The following SGK1 variants were observed in gnomAD, a reference collection of about 807,000 sequenced individuals.
The protein encoded by SGK1 is serum/glucocorticoid regulated kinase 1.
In SGK1, 26 loss-of-function variants were observed where a neutral mutation model predicts 64.2. The observed-to-expected ratio is 0.40, with a 90% CI of 0.30 to 0.56. The LOEUF is 0.56. Ranked by LOEUF, SGK1 falls within the 20% of genes least tolerant of loss-of-function variation. The pLI is 0.38. For missense variants in SGK1, 519 were observed against 645.6 expected (o/e 0.80, Z 2.12); for synonymous variants, 265 against 239.7 (o/e 1.11, Z -0.98).
At chr6:134,298,192 T>A in intron 1 of SGK1, 2 of 1,502,382 alleles carry the variant, frequency 1.3e-6, no homozygotes, top group Non-Finnish European at 1.8e-6. Context: ...CACCAGCCCC[T>A]GCATGTTGCC....
intron 11 of SGK1, 126 bp from the exon 12 acceptor site, chr6:134,171,304 A>G: frequency 2.2e-6 from 2 of 892,794 alleles, no homozygotes; most frequent in Non-Finnish European, 3.5e-6. Flanking sequence ...CCCCACCTCA[A>G]TGCTTTCTTT....
At chr6:134,297,781 G>A (rs1777383547) in intron 1 of SGK1, 18 of 553,006 alleles carry the variant, frequency 3.3e-5, no homozygotes, top group South Asian at 2.3e-4. Context: ...GATTACAGGC[G>A]TGAGCCACTG....
At chr6:134,182,795 T>G (rs771876409) in intron 3 of SGK1, among the ~76,000 whole-genome samples, 3 of 152,186 alleles carry the variant, frequency 2.0e-5, no homozygotes, top group Admixed American at 6.5e-5. Flanking sequence ...CCTCCTCCAT[T>G]CAGTCTCCCT....
Position 134,207,421 on chromosome 6 carries a change from G to A in SGK1, c.296C>T (p.Pro99Leu). 3 of 1,608,734 alleles carry A rather than the reference G, an allele frequency of 1.9e-6. No individual in the cohort carries two copies. The East Asian group carries it at 6.7e-5, about 36-fold the overall frequency. Reference protein sequence around the residue: ...ETQSGCEVREPCNHANILTKP... With the variant: ...ETQSGCEVRELCNHANILTKP... ...GGTCAGGATGTTGGCATGATTACAT[G>A]GCTCTCTCACCTTTAAAACATAAAG... Residue 99 changes from proline (P) to leucine (L), a missense_variant, in exon 3 of 14, where the codon CCA becomes CTA. Around this residue, in one of 2 missense-constraint regions of SGK1, gnomAD observed 241 missense variants for 236.9 expected, o/e 1.02. Transcript: ENST00000367858.
chr6:134,314,882 A>G (rs1179593671), intron 1 of SGK1, among the ~76,000 whole-genome samples: 2 of 152,132 alleles, frequency 1.3e-5, no homozygotes, highest in African/African-American at 4.8e-5. Context: ...GCTAGGTTAA[A>G]AATAAAATAT....
chr6:134,307,992 G>A, intron 1 of SGK1, among the ~76,000 whole-genome samples: 1 of 152,206 alleles, frequency 6.6e-6, no homozygotes, highest in East Asian at 1.9e-4. Flanking sequence ...CCTGCACCCA[G>A]CACGTGTATA....
At chr6:134,234,181 C>T (rs1776330049) in intron 2 of SGK1, among the ~76,000 whole-genome samples, 1 of 152,218 alleles carries the variant, frequency 6.6e-6, no homozygotes, top group Non-Finnish European at 1.5e-5. Flanking sequence ...AGGCAGATCA[C>T]CTGAGTGATC....
At chr6:134,220,162 A>T (rs1417196181) in intron 2 of SGK1, among the ~76,000 whole-genome samples, 1 of 151,746 alleles carries the variant, frequency 6.6e-6, no homozygotes, top group Non-Finnish European at 1.5e-5. Flanking sequence ...TGTTTTGTAG[A>T]TTTTGCCTGA....
intron 2 of SGK1, among the ~76,000 whole-genome samples, chr6:134,258,711 A>G (rs1201092804): frequency 6.6e-6 from 1 of 152,196 alleles, no homozygotes; most frequent in African/African-American, 2.4e-5. Flanking sequence ...CATCTCAAAA[A>G]TAAAATAAAA....
At chr6:134,276,649 G>A (rs1377376885) in intron 1 of SGK1, among the ~76,000 whole-genome samples, 1 of 152,128 alleles carries the variant, frequency 6.6e-6, no homozygotes, top group Non-Finnish European at 1.5e-5. Context: ...CTAGGTTAGA[G>A]GAATAAGCAC....
intron 2 of SGK1, among the ~76,000 whole-genome samples, chr6:134,228,575 T>C (rs1360232082): frequency 6.6e-6 from 1 of 152,162 alleles, no homozygotes; most frequent in Non-Finnish European, 1.5e-5. Flanking sequence ...CAGAAGCCAA[T>C]TTTTTGTGCC....
At chr6:134,309,662 C>T (rs1410173876) in intron 1 of SGK1, among the ~76,000 whole-genome samples, 1 of 152,102 alleles carries the variant, frequency 6.6e-6, no homozygotes, top group Non-Finnish European at 1.5e-5. Flanking sequence ...TCTTTTTACC[C>T]TGCGAGCTGA....
At chr6:134,229,259 C>T (rs532369410) in intron 2 of SGK1, among the ~76,000 whole-genome samples, 2 of 152,334 alleles carry the variant, frequency 1.3e-5, no homozygotes, top group South Asian at 2.1e-4. Flanking sequence ...GGTCTGTAAA[C>T]GTCCCTTTCC....
At chr6:134,303,525 GTTC>G (rs1344219990) in intron 1 of SGK1, among the ~76,000 whole-genome samples, 2 of 152,028 alleles carry the variant, frequency 1.3e-5, no homozygotes, top group African/African-American at 2.4e-5. Context: ...AGTCCTTAAT[GTTC>G]TTCTCCTGTA....
chr6:134,175,466 G>T, intron 3 of SGK1: 1 of 1,327,428 alleles, frequency 7.5e-7, no homozygotes, highest in Non-Finnish European at 9.7e-7. Flanking sequence ...CGAGAACTCC[G>T]ACGAAAGCCG....
chr6:134,275,472 C>T (rs371074075), intron 1 of SGK1, among the ~76,000 whole-genome samples: 65 of 152,346 alleles, frequency 4.3e-4, no homozygotes, highest in African/African-American at 1.5e-3. Flanking sequence ...GCTTTCAAAC[C>T]TGTTTCATCA....
chr6:134,234,270 G>T (rs137887449), intron 2 of SGK1, among the ~76,000 whole-genome samples: 9 of 152,106 alleles, frequency 5.9e-5, no homozygotes, highest in African/African-American at 2.2e-4. Flanking sequence ...TGGTGTGGTG[G>T]CATGTGCCTG....
At chr6:134,310,076 C>T (rs1004040380) in intron 1 of SGK1, among the ~76,000 whole-genome samples, 4 of 150,424 alleles carry the variant, frequency 2.7e-5, no homozygotes, top group African/African-American at 7.3e-5. Context: ...CCACCCCCCA[C>T]GTTCCTCACT....
intron 13 of SGK1, 70 bp downstream of exon 13, chr6:134,170,756 C>G (rs1357486873): frequency 1.9e-6 from 2 of 1,036,344 alleles, no homozygotes; most frequent in Non-Finnish European, 2.9e-6. Context: ...CAACCCTCCC[C>G]CAGACAATTC....
Sources: gnomAD v4.1 joint callset for allele counts (sites outside exome capture counted in the v4.1 genomes callset) on GRCh38, gnomAD v4.1.1 for gene constraint, gnomAD v4.1.1 regional missense constraint, MANE v1.5 for transcripts, NCBI Gene and HGNC (gene_info 2026-07-23, HGNC 2026-07-21) for gene names.